The following CLVS1 variants were observed in gnomAD, a reference collection of about 807,000 sequenced individuals.
The protein encoded by CLVS1 is clavesin 1.
A neutral mutation model predicts 33.1 loss-of-function variants in CLVS1; 10 were observed. That is an observed-to-expected ratio of 0.30 (90% CI 0.19 to 0.51). The LOEUF (loss-of-function observed/expected upper bound fraction) is 0.51, where lower values mean the gene tolerates loss of function less well. Ranked by LOEUF, CLVS1 falls within the 20% of genes least tolerant of loss-of-function variation. The pLI is 0.97. For missense variants in CLVS1, 343 were observed against 433.4 expected (o/e 0.79, Z 1.85); for synonymous variants, 163 against 166.1 (o/e 0.98, Z 0.14).
intron 1 of CLVS1, among the ~76,000 whole-genome samples, chr8:61,102,078 T>A (rs1366745696): frequency 6.6e-6 from 1 of 152,162 alleles, no homozygotes; most frequent in East Asian, 1.9e-4. Context: ...CTATTCTGAG[T>A]CCCTTGAATT....
chr8:61,043,906 G>T, the CLVS1 span, among the ~76,000 whole-genome samples: 1 of 152,286 alleles, frequency 6.6e-6, no homozygotes, highest in South Asian at 2.1e-4. Context: ...TAAGTAACAA[G>T]TACCTTATTC....
chr8:61,473,399 A>G (rs1817803503), intron 5 of CLVS1, among the ~76,000 whole-genome samples: 1 of 151,916 alleles, frequency 6.6e-6, no homozygotes, highest in Non-Finnish European at 1.5e-5. Flanking sequence ...AGCGAGGGGG[A>G]AAATGACGGG....
intron 1 of CLVS1, among the ~76,000 whole-genome samples, chr8:61,094,335 G>C (rs1324386232): frequency 5.9e-5 from 9 of 152,156 alleles, no homozygotes; most frequent in Non-Finnish European, 8.8e-5. Flanking sequence ...GTGCTCATGT[G>C]TACTGTCCTC....
intron 1 of CLVS1, among the ~76,000 whole-genome samples, chr8:61,098,178 A>G (rs1472803519): frequency 6.6e-6 from 1 of 152,078 alleles, no homozygotes; most frequent in African/African-American, 2.4e-5. Context: ...AGACAGAGAA[A>G]GAGAGCGAGC....
the CLVS1 span, among the ~76,000 whole-genome samples, chr8:60,997,502 T>C: frequency 6.6e-6 from 1 of 152,198 alleles, no homozygotes; most frequent in African/African-American, 2.4e-5. Flanking sequence ...AAATCATATA[T>C]ATACACATAT....
intron 2 of CLVS1, among the ~76,000 whole-genome samples, chr8:61,270,717 T>G (rs1436372090): frequency 6.6e-5 from 10 of 152,180 alleles, no homozygotes; most frequent in Non-Finnish European, 7.3e-5. Context: ...ATTCAGAGAT[T>G]CAACTTCTTC....
At chr8:61,085,316 C>T (rs1482323785) in intron 1 of CLVS1, among the ~76,000 whole-genome samples, 2 of 152,112 alleles carry the variant, frequency 1.3e-5, no homozygotes, top group African/African-American at 4.8e-5. Flanking sequence ...TCCGCTGTCC[C>T]AAAACATGTA....
chr8:61,392,877 C>A (rs1814363635), intron 3 of CLVS1, among the ~76,000 whole-genome samples: 1 of 151,776 alleles, frequency 6.6e-6, no homozygotes, highest in South Asian at 2.1e-4. Flanking sequence ...TTGTTTAATT[C>A]TTTTTCTTTT....
At position 61,133,552 on chromosome 8, in the gene CLVS1, T is replaced by C. The variant is rs375169967; in HGVS notation, c.-152+1692T>C. ...AGATCAAAGGACCTTTTGTGTCACA[T>C]TGAGGAGCTGAGAAGTCATCCTGTG... On this transcript the variant is annotated intron_variant, in intron 2 of 2. Coordinates refer to the CLVS1 transcript ENST00000522621. Among the ~76,000 whole-genome samples, 10 of 152,182 alleles carry C rather than the reference T, an allele frequency of 6.6e-5. No individual in the cohort carries two copies. The East Asian group carries it at 1.7e-3, about 27-fold the overall frequency.
chr8:61,246,009 T>A (rs1016762866), intron 2 of CLVS1, among the ~76,000 whole-genome samples: 18 of 152,114 alleles, frequency 1.2e-4, no homozygotes, highest in African/African-American at 4.3e-4. Context: ...TGACGTCATA[T>A]GATCCTCCTG....
the CLVS1 span, among the ~76,000 whole-genome samples, chr8:61,012,207 TCTC>T: frequency 3.9e-5 from 6 of 152,202 alleles, no homozygotes; most frequent in African/African-American, 9.6e-5. Flanking sequence ...TCTGGAGTCT[TCTC>T]CTCCCCCAGT....
chr8:60,994,237 A>T, the CLVS1 span, among the ~76,000 whole-genome samples: 1 of 152,144 alleles, frequency 6.6e-6, no homozygotes, highest in African/African-American at 2.4e-5. Flanking sequence ...TCTTCTTATA[A>T]GGACACCAGT....
At chr8:61,330,962 C>G (rs1177975462) in intron 2 of CLVS1, among the ~76,000 whole-genome samples, 3 of 151,944 alleles carry the variant, frequency 2.0e-5, no homozygotes, top group Non-Finnish European at 4.4e-5. Context: ...GTGGCATGTT[C>G]CTGTAGCTAC....
intron 3 of CLVS1, among the ~76,000 whole-genome samples, chr8:61,424,442 C>T (rs1378201342): frequency 2.0e-5 from 3 of 152,178 alleles, no homozygotes; most frequent in Non-Finnish European, 2.9e-5. Flanking sequence ...CTTAGACTAA[C>T]TTCTATAAAT....
intron 2 of CLVS1, among the ~76,000 whole-genome samples, chr8:61,240,303 A>T (rs1452529785): frequency 6.6e-6 from 1 of 152,030 alleles, no homozygotes; most frequent in African/African-American, 2.4e-5. Context: ...ACTCTCATTG[A>T]CCATTTTCCT....
intron 2 of CLVS1, among the ~76,000 whole-genome samples, chr8:61,358,634 C>A (rs1812846060): frequency 6.6e-6 from 1 of 152,152 alleles, no homozygotes; most frequent in Non-Finnish European, 1.5e-5. Flanking sequence ...CAAAAAACAG[C>A]TTTGGGAACA....
intron 2 of CLVS1, among the ~76,000 whole-genome samples, chr8:61,302,842 G>A (rs1210462965): frequency 6.6e-6 from 1 of 152,192 alleles, no homozygotes; most frequent in Non-Finnish European, 1.5e-5. Context: ...CATGGCAGAA[G>A]GTGAAGGGGA....
At chr8:61,378,784 A>C (rs752677758) in intron 3 of CLVS1, among the ~76,000 whole-genome samples, 21 of 152,172 alleles carry the variant, frequency 1.4e-4, no homozygotes, top group Admixed American at 7.9e-4. Flanking sequence ...ACTTCAGGCT[A>C]TCTGCTCTCT....
intron 2 of CLVS1, among the ~76,000 whole-genome samples, chr8:61,301,770 T>C (rs903931464): frequency 1.8e-4 from 27 of 152,314 alleles, no homozygotes; most frequent in African/African-American, 6.5e-4. Context: ...CCCGACTTCA[T>C]TGTAATTGTG....
Sources: gnomAD v4.1 joint callset for allele counts (sites outside exome capture counted in the v4.1 genomes callset) on GRCh38, gnomAD v4.1.1 for gene constraint, MANE v1.5 for transcripts, NCBI Gene and HGNC (gene_info 2026-07-23, HGNC 2026-07-21) for gene names.